The following TMEM238L variants were observed in gnomAD, a reference collection of about 807,000 sequenced individuals.
TMEM238L encodes transmembrane protein 238 like.
At chr17:10,800,859 C>A (rs1015940640) in intron 1 of TMEM238L, among the ~76,000 whole-genome samples, 1 of 152,144 alleles carries the variant, frequency 6.6e-6, no homozygotes, top group African/African-American at 2.4e-5. Context: ...GAAGGCTGTT[C>A]AGGGCACGGA....
intron 1 of TMEM238L, among the ~76,000 whole-genome samples, chr17:10,802,711 G>A (rs1411043499): frequency 6.6e-6 from 1 of 152,188 alleles, no homozygotes; most frequent in East Asian, 1.9e-4. Context: ...GGGCCCACCT[G>A]GGGAGGAGGG....
At chr17:10,797,353 C>A (rs888549594) in intron 1 of TMEM238L, among the ~76,000 whole-genome samples, 7 of 145,962 alleles carry the variant, frequency 4.8e-5, no homozygotes, top group Admixed American at 1.4e-4. Flanking sequence ...TCTTCCTCCC[C>A]CCTTTCCTTC....
At chr17:10,799,593 C>T (rs1183711262) in intron 1 of TMEM238L, among the ~76,000 whole-genome samples, 1 of 152,220 alleles carries the variant, frequency 6.6e-6, no homozygotes, top group African/African-American at 2.4e-5. Flanking sequence ...TTACCCCGCT[C>T]TGAGAATGAG....
chr17:10,799,698 G>A (rs1399041594), intron 1 of TMEM238L, among the ~76,000 whole-genome samples: 1 of 152,240 alleles, frequency 6.6e-6, no homozygotes, highest in Admixed American at 6.5e-5. Flanking sequence ...GGGGAAGTGA[G>A]ACGAGCTGCT....
exon 1 of TMEM238L, chr17:10,803,884 G>A (rs759942658): frequency 8.3e-5 from 33 of 399,556 alleles, no homozygotes; most frequent in Admixed American, 1.3e-4. Flanking sequence ...CAGGCCGACC[G>A]CGTCCAGCAG....
At chr17:10,799,934 CTT>C (rs562811496) in intron 1 of TMEM238L, among the ~76,000 whole-genome samples, 11 of 142,594 alleles carry the variant, frequency 7.7e-5, no homozygotes, top group East Asian at 4.1e-4. Context: ...GAAACCACAT[CTT>C]TTTTTTTTTT....
chr17:10,803,296 A>C (rs1007920213), intron 1 of TMEM238L, among the ~76,000 whole-genome samples: 2 of 152,198 alleles, frequency 1.3e-5, no homozygotes, highest in African/African-American at 4.8e-5. Flanking sequence ...TTTGTCCCCA[A>C]GTTCCGAGGT....
chr17:10,799,360 G>A (rs1904661906), intron 1 of TMEM238L, among the ~76,000 whole-genome samples: 2 of 152,138 alleles, frequency 1.3e-5, no homozygotes, highest in African/African-American at 2.4e-5. Flanking sequence ...ACAATGCCTG[G>A]CTATTTTTTG....
intron 1 of TMEM238L, among the ~76,000 whole-genome samples, chr17:10,803,338 C>T (rs1368843113): frequency 3.3e-5 from 5 of 152,160 alleles, no homozygotes; most frequent in African/African-American, 1.2e-4. Flanking sequence ...GCCCAGAAGC[C>T]AGGATCATTC....
At chr17:10,804,065 G>C (rs1904829193) in exon 1 of TMEM238L, 1 of 401,512 alleles carries the variant, frequency 2.5e-6, no homozygotes, top group African/African-American at 2.0e-5. Context: ...TGCTGGGTGT[G>C]AGCAAATGAG....
intron 1 of TMEM238L, among the ~76,000 whole-genome samples, chr17:10,796,668 G>A (rs1904556266): frequency 6.6e-6 from 1 of 152,204 alleles, no homozygotes; most frequent in African/African-American, 2.4e-5. Context: ...TGGCTTTGAA[G>A]TGTTTGATGG....
In TMEM238L at chr17:10,796,251, C is replaced by T. The variant is rs149919052; in HGVS notation, c.*119-303G>A. 2.4e-3 allele frequency among the ~76,000 whole-genome samples: 369 copies of T among 152,236 alleles called. 2 individuals carry two copies. Among genetic ancestry groups the T allele is most frequent in the African/African-American group, 8.5e-3 (352 of 41,542 alleles). ...AAGATTCTCATCAAATCTTAGTTTC[C>T]TCTCCTTACCCTTCCTTGCAGGCAA... On this transcript the variant is annotated intron_variant, in intron 1 of 1. Coordinates refer to ENST00000581851, the Ensembl canonical transcript of TMEM238L.
chr17:10,797,100 G>C (rs1904573347), intron 1 of TMEM238L, among the ~76,000 whole-genome samples: 2 of 152,176 alleles, frequency 1.3e-5, no homozygotes, highest in African/African-American at 4.8e-5. Context: ...CTTATGGAAA[G>C]AGCATAAACC....
intron 1 of TMEM238L, among the ~76,000 whole-genome samples, chr17:10,801,295 C>T (rs1904739477): frequency 6.6e-6 from 1 of 152,158 alleles, no homozygotes; most frequent in African/African-American, 2.4e-5. Context: ...ACCTCGGCCT[C>T]CCAAAGTGCT....
exon 1 of TMEM238L, chr17:10,803,738 T>C (rs1226674393): frequency 5.0e-6 from 2 of 399,596 alleles, no homozygotes. Context: ...AGGTCCAGTT[T>C]TTCAGGAGAC....
exon 1 of TMEM238L, chr17:10,803,980 G>T (rs1052178537): frequency 5.5e-5 from 22 of 399,096 alleles, no homozygotes; most frequent in Non-Finnish European, 9.3e-5. Flanking sequence ...GGAGGAGCGG[G>T]AGGAGCCCAG....
At chr17:10,803,844 G>A (rs1018173038) in exon 1 of TMEM238L, 2 of 399,492 alleles carry the variant, frequency 5.0e-6, no homozygotes, top group African/African-American at 2.1e-5. Context: ...AGGAACTCAG[G>A]GGGGCCAAGA....
chr17:10,798,662 G>A lies in TMEM238L; in HGVS notation c.*119-2714C>T, dbSNP rs184685376. Reference sequence around the variant, plus strand: ...GTTTGGTAGGTGTGAGTGTGTGGTGGGTGTGTTTGTTTCTGTGAGTGTGTG... The same window carrying A: ...GTTTGGTAGGTGTGAGTGTGTGGTGAGTGTGTTTGTTTCTGTGAGTGTGTG... On this transcript the variant is annotated intron_variant, in intron 1 of 1. Coordinates refer to ENST00000581851, the Ensembl canonical transcript of TMEM238L. Among the ~76,000 whole-genome samples the A allele has an allele frequency of 3.3e-5, 5 of 152,040 alleles. No homozygotes were observed. The East Asian group carries it at 5.8e-4, about 18-fold the overall frequency.
intron 1 of TMEM238L, chr17:10,797,991 T>A (rs1348607638): frequency 1.3e-5 from 2 of 152,092 alleles, no homozygotes; most frequent in African/African-American, 4.8e-5. Flanking sequence ...GTGTTCAAAG[T>A]CCTGCACAGC....
Sources: allele counts gnomAD v4.1 joint callset (sites outside exome capture counted in the v4.1 genomes callset), GRCh38; gene constraint gnomAD v4.1.1; transcripts MANE v1.5; gene names NCBI Gene and HGNC (gene_info 2026-07-23, HGNC 2026-07-21).